Variants in TGFBRAP1 observed in about 807,000 individuals in gnomAD.
TGFBRAP1 encodes transforming growth factor-beta receptor-associated protein 1.
A neutral mutation model predicts 83.2 loss-of-function variants in TGFBRAP1; 20 were observed. The ratio of observed to expected loss-of-function variants is 0.24; its 90% CI spans 0.17 to 0.35. The LOEUF is 0.35. Ranked by LOEUF, TGFBRAP1 falls within the 10% of genes least tolerant of loss-of-function variation. TGFBRAP1 has a pLI of 1.00. For missense variants in TGFBRAP1, 950 were observed against 1,099.4 expected, an observed-to-expected ratio of 0.86 and a Z score of 1.92; for synonymous variants, 415 against 459.8, an observed-to-expected ratio of 0.90 and a Z score of 1.25.
the TGFBRAP1 span, among the ~76,000 whole-genome samples, chr2:105,255,136 A>G: frequency 1.3e-5 from 2 of 151,462 alleles, no homozygotes; most frequent in African/African-American, 4.8e-5. Flanking sequence ...CCTGAGAAGC[A>G]GAATACAATT....
At chr2:105,277,569 C>A in intron 7 of TGFBRAP1, 45 bp downstream of exon 7, 1 of 1,598,172 alleles carries the variant, frequency 6.3e-7, no homozygotes, top group Non-Finnish European at 8.6e-7. Flanking sequence ...GTATTACTTA[C>A]ATGGTGCTGA....
chr2:105,257,993 CATGAATGAATGA>C, the TGFBRAP1 span, among the ~76,000 whole-genome samples: 1 of 152,204 alleles, frequency 6.6e-6, no homozygotes, highest in African/African-American at 2.4e-5. Flanking sequence ...TAATTGAACA[CATGAATGAATGA>C]ATGAATGGAA....
At chr2:105,299,987 G>A (rs868466032) in intron 2 of TGFBRAP1, among the ~76,000 whole-genome samples, 1 of 152,176 alleles carries the variant, frequency 6.6e-6, no homozygotes, top group African/African-American at 2.4e-5. Flanking sequence ...TGCAACTGCT[G>A]TCAACAGGCA....
At chr2:105,259,263 C>T in the TGFBRAP1 span, among the ~76,000 whole-genome samples, 1 of 152,212 alleles carries the variant, frequency 6.6e-6, no homozygotes, top group Non-Finnish European at 1.5e-5. Context: ...TTCTAATTTG[C>T]TGAGGCGCTG....
intron 5 of TGFBRAP1, among the ~76,000 whole-genome samples, chr2:105,281,964 CAA>C (rs1677553321): frequency 6.6e-6 from 1 of 152,102 alleles, no homozygotes; most frequent in African/African-American, 2.4e-5. Context: ...ACCCCCTGCC[CAA>C]AGAATTATCT....
At chr2:105,309,205 C>T (rs1284197802) in intron 1 of TGFBRAP1, among the ~76,000 whole-genome samples, 3 of 152,240 alleles carry the variant, frequency 2.0e-5, no homozygotes, top group Non-Finnish European at 4.4e-5. Context: ...TTTCTGACTT[C>T]TCAGGCAGCC....
chr2:105,260,381 C>T (rs1676761714), downstream of TGFBRAP1, among the ~76,000 whole-genome samples: 1 of 152,140 alleles, frequency 6.6e-6, no homozygotes. Flanking sequence ...TGCACTCCAC[C>T]CTGGGTGACA....
intron 3 of TGFBRAP1, 56 bp from the exon 4 acceptor site, chr2:105,296,566 A>G: frequency 6.4e-7 from 1 of 1,570,890 alleles, no homozygotes; most frequent in Non-Finnish European, 8.6e-7. Flanking sequence ...CTGCAAAAAA[A>G]CACACTGCTT....
At chr2:105,322,782 C>T (rs1410219532) in intron 1 of TGFBRAP1, among the ~76,000 whole-genome samples, 1 of 152,106 alleles carries the variant, frequency 6.6e-6, no homozygotes, top group Non-Finnish European at 1.5e-5. Context: ...CAAAATTGCC[C>T]CATGGGAGAT....
chr2:105,304,932 AG>A (rs774159103), intron 2 of TGFBRAP1, among the ~76,000 whole-genome samples: 3 of 152,214 alleles, frequency 2.0e-5, no homozygotes, highest in Non-Finnish European at 2.9e-5. Context: ...GCTGGGGCTT[AG>A]GGGAAGGGAG....
the TGFBRAP1 span, among the ~76,000 whole-genome samples, chr2:105,252,831 C>T: frequency 1.6e-3 from 224 of 143,256 alleles, 1 homozygote; most frequent in East Asian, 0.036. Flanking sequence ...CGGCTCACTG[C>T]GACCTCCACC....
downstream of TGFBRAP1, among the ~76,000 whole-genome samples, chr2:105,259,635 A>C (rs541699686): frequency 6.6e-5 from 10 of 152,306 alleles, no homozygotes; most frequent in South Asian, 4.1e-4. Context: ...GCAAACCTTC[A>C]TTAGGGGACC....
chr2:105,290,476 C>T (rs923386471), intron 4 of TGFBRAP1, among the ~76,000 whole-genome samples: 14 of 152,078 alleles, frequency 9.2e-5, no homozygotes, highest in African/African-American at 3.4e-4. Context: ...AATTAGCCCT[C>T]TTTTTGTGCT....
Position 105,322,800 on chromosome 2 carries a change from A to G in TGFBRAP1, c.-18+6825T>C, listed in dbSNP as rs565126470. ...AATTGCCCCATGGGAGATTTCTCAG[A>G]CCATAACCTAGTCATTAACTGATGC... On this transcript the variant is annotated intron_variant, in intron 1 of 11. Transcript: ENST00000393359. Among the ~76,000 whole-genome samples the G allele has an allele frequency of 5.3e-5, 8 of 152,310 alleles. No individual in the cohort carries two copies. The South Asian group carries it at 1.7e-3, about 32-fold the overall frequency.
rs779137766 is a variant in TGFBRAP1, at chr2:105,298,495, C to T, written c.883+16G>A. Reference sequence around the variant, plus strand: ...AGTTAAGTAAATTTCACTAAGACTTCTATGTGAATGAGTACCTTCAAAGTC... The same window carrying T: ...AGTTAAGTAAATTTCACTAAGACTTTTATGTGAATGAGTACCTTCAAAGTC... On this transcript the variant is annotated intron_variant, in intron 3 of 11. Transcript: ENST00000393359. 1.3e-6 allele frequency: 2 copies of T among 1,555,184 alleles called. No homozygotes were observed. Among genetic ancestry groups the T allele is most frequent in the East Asian group, 4.6e-5 (2 of 43,826 alleles).
intron 1 of TGFBRAP1, among the ~76,000 whole-genome samples, chr2:105,322,179 A>C (rs1679086556): frequency 6.6e-6 from 1 of 152,174 alleles, no homozygotes; most frequent in Non-Finnish European, 1.5e-5. Flanking sequence ...AAAAGTTTAA[A>C]GAAAAAAAAA....
At chr2:105,312,872 G>A (rs1480702551) in intron 1 of TGFBRAP1, among the ~76,000 whole-genome samples, 1 of 152,142 alleles carries the variant, frequency 6.6e-6, no homozygotes, top group Non-Finnish European at 1.5e-5. Context: ...AGCACTTTGG[G>A]AGGCCGAGGC....
the TGFBRAP1 span, among the ~76,000 whole-genome samples, chr2:105,251,336 G>A: frequency 2.1e-5 from 3 of 144,142 alleles, no homozygotes; most frequent in African/African-American, 5.2e-5. Context: ...GTCTCTGCCC[G>A]GCCGCCCATC....
intron 1 of TGFBRAP1, among the ~76,000 whole-genome samples, chr2:105,326,981 T>A (rs74660424): frequency 0.048 from 7,326 of 152,266 alleles, 212 homozygotes; most frequent in African/African-American, 0.075. Flanking sequence ...TTTATTTTTT[T>A]AAATAAAGAA....
Sources: gnomAD v4.1 joint callset for allele counts (sites outside exome capture counted in the v4.1 genomes callset) on GRCh38, gnomAD v4.1.1 for gene constraint, MANE v1.5 for transcripts, NCBI Gene and HGNC (gene_info 2026-07-23, HGNC 2026-07-21) for gene names.